The following DYNC1I1 variants were observed in gnomAD, a reference collection of about 807,000 sequenced individuals.
DYNC1I1 encodes dynein cytoplasmic 1 intermediate chain 1.
A neutral mutation model predicts 86.6 loss-of-function variants in DYNC1I1; 43 were observed. The ratio of observed to expected loss-of-function variants is 0.50; its 90% confidence interval spans 0.39 to 0.64. The LOEUF (loss-of-function observed/expected upper bound fraction) is 0.64. Ranked by LOEUF, DYNC1I1 falls within the 30% of genes least tolerant of loss-of-function variation. The probability of loss-of-function intolerance (pLI) is 0.00; values close to 1 mark genes in which losing one functional copy is unlikely to be tolerated. For synonymous variants in DYNC1I1, 262 were observed against 283.7 expected, an observed-to-expected ratio of 0.92 and a Z score of 0.77; for missense variants, 604 against 788.8, an observed-to-expected ratio of 0.77 and a Z score of 2.81.
intron 1 of DYNC1I1, among the ~76,000 whole-genome samples, chr7:95,801,328 A>G (rs1309436597): frequency 1.3e-5 from 2 of 152,210 alleles, no homozygotes; most frequent in Admixed American, 1.3e-4. Context: ...ACTTTGTAAG[A>G]CATATTTATT....
At chr7:95,997,624 T>TGC (rs1793902252) in intron 10 of DYNC1I1, among the ~76,000 whole-genome samples, 1 of 151,098 alleles carries the variant, frequency 6.6e-6, no homozygotes, top group African/African-American at 2.4e-5. Flanking sequence ...TGTGTGTGTG[T>TGC]ATCTTTGGGA....
chr7:96,030,377 T>C (rs1794781335), intron 11 of DYNC1I1, among the ~76,000 whole-genome samples: 1 of 144,990 alleles, frequency 6.9e-6, no homozygotes, highest in Admixed American at 6.9e-5. Context: ...TGTGTGTGTG[T>C]AGGCATGCTC....
intron 12 of DYNC1I1, among the ~76,000 whole-genome samples, chr7:96,034,143 A>G (rs577661277): frequency 6.6e-6 from 1 of 152,126 alleles, no homozygotes; most frequent in African/African-American, 2.4e-5. Flanking sequence ...ACGTTTTTTT[A>G]AAATAATTTT....
At chr7:95,854,513 T>A (rs10243220) in intron 5 of DYNC1I1, among the ~76,000 whole-genome samples, 30,881 of 152,106 alleles carry the variant, frequency 0.2, 3,639 homozygotes, top group East Asian at 0.46. Context: ...ATTGTTTCTC[T>A]TGTTATTTTT....
intron 14 of DYNC1I1, among the ~76,000 whole-genome samples, chr7:96,065,465 T>A (rs757598629): frequency 6.7e-6 from 1 of 150,354 alleles, no homozygotes; most frequent in East Asian, 2.0e-4. Context: ...GCAGACTCTA[T>A]CTCCAGGATT....
At chr7:95,810,634 C>T (rs1370928885) in intron 3 of DYNC1I1, 128 bp downstream of exon 3, 2 of 789,054 alleles carry the variant, frequency 2.5e-6, no homozygotes, top group Non-Finnish European at 3.7e-6. Context: ...CATTCTGTGG[C>T]TTATGGTTCA....
intron 10 of DYNC1I1, among the ~76,000 whole-genome samples, chr7:96,023,663 T>C (rs1442541888): frequency 6.6e-6 from 1 of 152,142 alleles, no homozygotes; most frequent in Non-Finnish European, 1.5e-5. Flanking sequence ...TAAAATAAAC[T>C]GACTTCTCTT....
rs188393972 is a variant in DYNC1I1 at position 95,996,058 on chromosome 7, C to T, written c.954C>T (p.Tyr318=). 4.2e-5 allele frequency: 68 copies of T among 1,614,054 alleles called. 1 individual carries two copies. The Admixed American group carries it at 5.3e-4, about 13-fold the overall frequency. ...AGTTTAAGAAAACCACACCAGAATA[C>T]GTCTTCCACTGTCAGGTAGGAGTCA... The part of the protein sequence containing the change: ...NMKFKKTTPE[Y]VFHCQSSVMS... The change falls in exon 10 of 17, where the codon TAC becomes TAT. Residue 318 remains tyrosine, a synonymous_variant. Coordinates refer to ENST00000447467, the MANE Select transcript of DYNC1I1 (RefSeq NM_001135556.2).
Position 95,995,948 on chromosome 7 carries a change from T to A in DYNC1I1, c.844T>A (p.Tyr282Asn), listed in dbSNP as rs1205359749. The A allele has an allele frequency of 6.3e-7, 1 of 1,591,094 alleles. No homozygotes were observed. The highest frequency in any genetic ancestry group is 1.8e-5 in the Admixed American group (1 of 54,308). ...VVTCMDWSLQYPELMVASYNN... is the reference protein window; with the variant it reads ...VVTCMDWSLQNPELMVASYNN... ...CATCCTTGTGACCTCTTCCATTTAG[T>A]ACCCTGAGCTGATGGTGGCTTCTTA... Residue 282 changes from tyrosine (Y) to asparagine (N), a missense_variant and splice_region_variant, in exon 10 of 17, where the codon TAC becomes AAC. Tyr to Asn is a moderately radical substitution (Grantham distance 143). Coordinates refer to ENST00000447467, the MANE Select transcript of DYNC1I1 (RefSeq NM_001135556.2).
intron 10 of DYNC1I1, among the ~76,000 whole-genome samples, chr7:96,025,109 A>T (rs1295482658): frequency 6.6e-6 from 1 of 152,192 alleles, no homozygotes; most frequent in Non-Finnish European, 1.5e-5. Flanking sequence ...TAACTCACTC[A>T]TCCAAATGTT....
chr7:96,096,049 A>T (rs1790994877), intron 16 of DYNC1I1, among the ~76,000 whole-genome samples: 1 of 152,146 alleles, frequency 6.6e-6, no homozygotes, highest in Non-Finnish European at 1.5e-5. Context: ...ACTTCGCAAA[A>T]TAAGTCAGAG....
intron 5 of DYNC1I1, among the ~76,000 whole-genome samples, chr7:95,843,245 G>A (rs1789337174): frequency 6.6e-6 from 1 of 152,150 alleles, no homozygotes; most frequent in Admixed American, 6.5e-5. Flanking sequence ...GATCAATGCT[G>A]AGCTGAATTC....
intron 6 of DYNC1I1, among the ~76,000 whole-genome samples, chr7:95,967,688 G>C (rs1490611320): frequency 6.6e-6 from 1 of 152,182 alleles, no homozygotes; most frequent in Admixed American, 6.5e-5. Context: ...TAGAATGCCA[G>C]CTCCATGAGG....
At chr7:95,839,423 C>T (rs985385935) in intron 5 of DYNC1I1, among the ~76,000 whole-genome samples, 1 of 152,176 alleles carries the variant, frequency 6.6e-6, no homozygotes, top group Non-Finnish European at 1.5e-5. Flanking sequence ...GAGCTGATAG[C>T]ATTTTCTCTT....
At chr7:96,057,314 C>T (rs1290192262) in intron 14 of DYNC1I1, among the ~76,000 whole-genome samples, 1 of 151,922 alleles carries the variant, frequency 6.6e-6, no homozygotes, top group Non-Finnish European at 1.5e-5. Flanking sequence ...CGTCTGAGTC[C>T]TAATGAAGAT....
chr7:96,087,402 C>T (rs1790714145), intron 16 of DYNC1I1, among the ~76,000 whole-genome samples: 1 of 152,130 alleles, frequency 6.6e-6, no homozygotes, highest in South Asian at 2.1e-4. Context: ...TTTGCAGCCT[C>T]CAGAAGAGCA....
intron 14 of DYNC1I1, among the ~76,000 whole-genome samples, chr7:96,064,622 A>G (rs1427584027): frequency 6.3e-5 from 9 of 141,854 alleles, no homozygotes; most frequent in Non-Finnish European, 1.2e-4. Flanking sequence ...ACATGCTAGA[A>G]GCACAATAGT....
chr7:95,909,637 C>A (rs1407166945), intron 6 of DYNC1I1, among the ~76,000 whole-genome samples: 1 of 152,046 alleles, frequency 6.6e-6, no homozygotes, highest in Non-Finnish European at 1.5e-5. Context: ...CGCATCACCC[C>A]CTTGCTTAAA....
intron 14 of DYNC1I1, among the ~76,000 whole-genome samples, chr7:96,055,055 A>C (rs1301670381): frequency 6.6e-6 from 1 of 152,078 alleles, no homozygotes; most frequent in Non-Finnish European, 1.5e-5. Flanking sequence ...CTGTGTCCTG[A>C]ATGGTATTGC....
Sources: allele counts gnomAD v4.1 joint callset (sites outside exome capture counted in the v4.1 genomes callset), GRCh38; gene constraint gnomAD v4.1.1; transcripts MANE v1.5; gene names NCBI Gene and HGNC (gene_info 2026-07-23, HGNC 2026-07-21).